The following HS3ST4 variants were observed in gnomAD, a reference collection of about 807,000 sequenced individuals.
The protein encoded by HS3ST4 is heparan sulfate glucosamine 3-O-sulfotransferase 4.
In HS3ST4, 17 loss-of-function variants were observed where a neutral mutation model predicts 29.2. The ratio of observed to expected loss-of-function variants is 0.58; its 90% CI spans 0.40 to 0.87. The LOEUF (loss-of-function observed/expected upper bound fraction) is 0.87, where lower values mean the gene tolerates loss of function less well. HS3ST4 is among the 40% of genes least tolerant of loss of function. The pLI is 0.00. For synonymous variants in HS3ST4, 314 were observed against 285.7 expected (o/e 1.10, Z -1.00); for missense variants, 627 against 634.5 (o/e 0.99, Z 0.13).
intron 1 of HS3ST4, among the ~76,000 whole-genome samples, chr16:25,747,011 C>T (rs1966689779): frequency 6.6e-6 from 1 of 152,076 alleles, no homozygotes; most frequent in South Asian, 2.1e-4. Context: ...ATCACACCAG[C>T]TTGATTTATT....
intron 1 of HS3ST4, among the ~76,000 whole-genome samples, chr16:26,085,900 A>C (rs1245911453): frequency 6.7e-6 from 1 of 150,150 alleles, no homozygotes. Context: ...AATAATAATA[A>C]TAATAATAAT....
chr16:26,110,587 G>C (rs6497922), intron 1 of HS3ST4, among the ~76,000 whole-genome samples: 54,457 of 152,052 alleles, frequency 0.36, 10,036 homozygotes, highest in East Asian at 0.39. Flanking sequence ...ATAATGTCAA[G>C]AATCTTCCCA....
At chr16:25,980,426 C>T (rs955619572) in intron 1 of HS3ST4, among the ~76,000 whole-genome samples, 1 of 152,142 alleles carries the variant, frequency 6.6e-6, no homozygotes, top group Non-Finnish European at 1.5e-5. Context: ...GTCAAGTTTT[C>T]CTCTTTTTGA....
At chr16:25,963,959 T>G (rs1255551776) in intron 1 of HS3ST4, among the ~76,000 whole-genome samples, 1 of 152,088 alleles carries the variant, frequency 6.6e-6, no homozygotes, top group African/African-American at 2.4e-5. Context: ...TCACCTGAGG[T>G]CAGGAGTTCG....
intron 1 of HS3ST4, among the ~76,000 whole-genome samples, chr16:26,017,376 A>G (rs977183862): frequency 2.0e-5 from 3 of 152,194 alleles, no homozygotes; most frequent in Non-Finnish European, 4.4e-5. Flanking sequence ...CTAGGGGAAA[A>G]GTTGGAAAAT....
chr16:26,025,555 A>G (rs950144754), intron 1 of HS3ST4, among the ~76,000 whole-genome samples: 40 of 152,172 alleles, frequency 2.6e-4, no homozygotes, highest in African/African-American at 8.9e-4. Context: ...CACGCAAAGG[A>G]GTTTTTGATT....
At chr16:25,884,626 C>T (rs1967930176) in intron 1 of HS3ST4, among the ~76,000 whole-genome samples, 2 of 152,088 alleles carry the variant, frequency 1.3e-5, no homozygotes, top group Non-Finnish European at 2.9e-5. Flanking sequence ...AGTGCAATGG[C>T]GTGATCTCAA....
intron 1 of HS3ST4, among the ~76,000 whole-genome samples, chr16:25,830,715 A>G (rs1259567644): frequency 6.7e-6 from 1 of 149,568 alleles, no homozygotes; most frequent in Non-Finnish European, 1.5e-5. Flanking sequence ...CCTTCAATCC[A>G]TGTCTTTTTT....
chr16:25,980,658 C>T (rs1968995284), intron 1 of HS3ST4, among the ~76,000 whole-genome samples: 2 of 152,132 alleles, frequency 1.3e-5, no homozygotes, highest in Non-Finnish European at 2.9e-5. Context: ...TTTGCACTTG[C>T]CCATGTAGCA....
intron 1 of HS3ST4, among the ~76,000 whole-genome samples, chr16:26,082,286 G>T (rs577399981): frequency 6.6e-6 from 1 of 152,312 alleles, no homozygotes; most frequent in Non-Finnish European, 1.5e-5. Context: ...CCAGGCTGCA[G>T]TTGCAACTAC....
At chr16:25,813,397 G>T (rs532244556) in intron 1 of HS3ST4, among the ~76,000 whole-genome samples, 1 of 152,116 alleles carries the variant, frequency 6.6e-6, no homozygotes, top group Admixed American at 6.5e-5. Flanking sequence ...GGCTGAGGCG[G>T]GCGGATCACT....
At chr16:25,963,898 G>A (rs9926633) in intron 1 of HS3ST4, among the ~76,000 whole-genome samples, 17,664 of 152,112 alleles carry the variant, frequency 0.12, 1,157 homozygotes, top group African/African-American at 0.16. Flanking sequence ...AAGGCTGGGC[G>A]AGGTGGCTCA....
intron 1 of HS3ST4, among the ~76,000 whole-genome samples, chr16:25,911,496 GTTTTTTTT>G (rs542274531): frequency 2.4e-5 from 2 of 82,000 alleles, no homozygotes; most frequent in East Asian, 4.7e-4. Context: ...CCGTTGTGTG[GTTTTTTTT>G]TTTTTTTTTT....
intron 1 of HS3ST4, among the ~76,000 whole-genome samples, chr16:26,093,099 G>A (rs952742111): frequency 2.0e-5 from 3 of 152,180 alleles, no homozygotes; most frequent in Non-Finnish European, 4.4e-5. Flanking sequence ...GCTTGAACAG[G>A]GAGGAGCCCA....
At chr16:25,962,444 A>G (rs966848015) in intron 1 of HS3ST4, among the ~76,000 whole-genome samples, 3 of 152,216 alleles carry the variant, frequency 2.0e-5, no homozygotes, top group African/African-American at 7.2e-5. Flanking sequence ...CAGTGTTCTC[A>G]TCTTTAAAGT....
intron 1 of HS3ST4, among the ~76,000 whole-genome samples, chr16:26,029,857 TGA>T (rs1969516257): frequency 6.6e-6 from 1 of 152,192 alleles, no homozygotes; most frequent in Non-Finnish European, 1.5e-5. Context: ...TCAAAAGAAG[TGA>T]GTTATCCACT....
intron 1 of HS3ST4, among the ~76,000 whole-genome samples, chr16:26,001,628 A>C (rs548292644): frequency 2.3e-4 from 35 of 152,306 alleles, no homozygotes; most frequent in African/African-American, 8.4e-4. Flanking sequence ...GTCGTCCCTG[A>C]TTCAGAAAGA....
intron 1 of HS3ST4, among the ~76,000 whole-genome samples, chr16:25,744,685 G>A (rs1298483766): frequency 6.6e-6 from 1 of 152,146 alleles, no homozygotes; most frequent in Non-Finnish European, 1.5e-5. Context: ...ATTCCCATGT[G>A]TTGTGGGAGG....
intron 1 of HS3ST4, among the ~76,000 whole-genome samples, chr16:25,804,574 G>C (rs1400980887): frequency 3.9e-5 from 6 of 152,122 alleles, no homozygotes; most frequent in Non-Finnish European, 8.8e-5. Flanking sequence ...GAGCAATTCT[G>C]CTTGAAAATA....
Sources: allele counts gnomAD v4.1 joint callset (sites outside exome capture counted in the v4.1 genomes callset), GRCh38; gene constraint gnomAD v4.1.1; transcripts MANE v1.5; gene names NCBI Gene and HGNC (gene_info 2026-07-23, HGNC 2026-07-21).